The following COL3A1 variants were observed in gnomAD, a reference collection of about 807,000 sequenced individuals.
COL3A1 encodes collagen alpha-1(III) chain.
Under a neutral mutation model 200.9 loss-of-function variants are expected in COL3A1, and 46 were observed. The ratio of observed to expected loss-of-function variants is 0.23; its 90% CI spans 0.18 to 0.29. COL3A1 has a LOEUF of 0.29. COL3A1 is among the 10% of genes least tolerant of loss of function. COL3A1 has a pLI of 1.00. For missense variants in COL3A1, 1,367 were observed against 1,917.6 expected (o/e 0.71, Z 5.36); for synonymous variants, 650 against 628.0 (o/e 1.03, Z -0.52).
At chr2:188,999,629 T>TA (rs760493756) in intron 31 of COL3A1, 52 bp downstream of exon 31, 5 of 1,560,962 alleles carry the variant, frequency 3.2e-6, no homozygotes, top group African/African-American at 1.4e-5. Context: ...TTGTAGGTTT[T>TA]AAAAAAAGCA....
At chr2:188,998,866 A>T (rs183975738) in intron 29 of COL3A1, 148 bp downstream of exon 29, 1 of 796,194 alleles carries the variant, frequency 1.3e-6, no homozygotes, top group East Asian at 2.7e-5. Flanking sequence ...GAAACTCAAG[A>T]CACTTTCAAT....
At chr2:189,011,502 A>G (rs181569395) in intron 50 of COL3A1, 126 bp from the exon 51 acceptor site, 2 of 1,035,950 alleles carry the variant, frequency 1.9e-6, no homozygotes, top group Middle Eastern at 2.7e-4. Context: ...GGTCTCATAT[A>G]CATGAATAAT....
chr2:188,977,803 A>C (rs1687854385), intron 1 of COL3A1, among the ~76,000 whole-genome samples: 1 of 152,144 alleles, frequency 6.6e-6, no homozygotes, highest in South Asian at 2.1e-4. Flanking sequence ...TAGAAAGTAC[A>C]TGAACTAATA....
Position 188,989,363 on chromosome 2 carries a change from A to C in COL3A1, c.637-33A>C, listed in dbSNP as rs780472970. 2.6e-5 allele frequency: 40 copies of C among 1,515,662 alleles called. 3 individuals carry two copies. In the South Asian group the frequency reaches 3.0e-4, roughly 11 times the overall value. The allele number at this position is 1,515,662 out of a possible 1,614,324, so 93.9% of individuals were successfully genotyped here. On this transcript the variant is annotated intron_variant, in intron 7 of 50. Coordinates refer to ENST00000304636, the MANE Select transcript of COL3A1 (RefSeq NM_000090.4). ...AATAAATTGTAACAGAAAAATTTAC[A>C]AATCTATTCATTTTTTATTTCCTTA...
chr2:189,002,456 T>C (rs1222285029), intron 35 of COL3A1, 105 bp downstream of exon 35: 5 of 963,696 alleles, frequency 5.2e-6, no homozygotes, highest in East Asian at 5.0e-5. Flanking sequence ...TCATTTTAGC[T>C]GCTCATTCCC....
At chr2:188,993,807 C>T (rs891654627) in intron 16 of COL3A1, among the ~76,000 whole-genome samples, 2 of 152,106 alleles carry the variant, frequency 1.3e-5, no homozygotes, top group Non-Finnish European at 2.9e-5. Flanking sequence ...AAAATCTCTT[C>T]TATTTATGTA....
At chr2:188,977,899 C>T (rs185122603) in intron 1 of COL3A1, among the ~76,000 whole-genome samples, 27 of 152,002 alleles carry the variant, frequency 1.8e-4, no homozygotes, top group African/African-American at 5.5e-4. Context: ...TTTTTTTAAA[C>T]CCCAGAAGCT....
intron 47 of COL3A1, 106 bp from the exon 48 acceptor site, chr2:189,008,818 C>T: frequency 8.1e-7 from 1 of 1,239,590 alleles, no homozygotes; most frequent in South Asian, 1.2e-5. Context: ...ATTCTGATGA[C>T]ACAATGAATG....
At chr2:188,982,813 T>C (rs1415812134) in intron 1 of COL3A1, among the ~76,000 whole-genome samples, 1 of 151,876 alleles carries the variant, frequency 6.6e-6, no homozygotes, top group Non-Finnish European at 1.5e-5. Context: ...AAGGAACCAA[T>C]GTAATTACAG....
At chr2:188,991,284 T>G (rs867351217) in intron 11 of COL3A1, among the ~76,000 whole-genome samples, 1 of 152,180 alleles carries the variant, frequency 6.6e-6, no homozygotes, top group Non-Finnish European at 1.5e-5. Context: ...GTATAACTTA[T>G]CAATTACTTC....
At chr2:188,998,219 A>G in intron 27 of COL3A1, 47 bp from the exon 28 acceptor site, 1 of 1,539,736 alleles carries the variant, frequency 6.5e-7, no homozygotes, top group Non-Finnish European at 9.0e-7. Flanking sequence ...GCTTTTCTAT[A>G]AGCCATGTTT....
rs1331469991 is a variant in COL3A1 at position 189,005,455 on chromosome 2, G to C, written c.3037G>C (p.Asp1013His). The C allele has an allele frequency of 1.9e-6, 3 of 1,612,634 alleles. No homozygotes were observed. Among genetic ancestry groups the C allele is most frequent in the Non-Finnish European group, 2.5e-6 (3 of 1,178,656 alleles). ...LAGTAGEPGR[D>H]GNPGSDGLPG... ...TGGTACAGCTGGTGAACCTGGAAGAGATGTGAGTAGCAGTTTTTATTCAAC... is the reference window on the plus strand; with the variant it reads ...TGGTACAGCTGGTGAACCTGGAAGACATGTGAGTAGCAGTTTTTATTCAAC... Residue 1013 changes from aspartate to histidine, a missense_variant and splice_region_variant, in exon 41 of 51, where the codon GAT becomes CAT. Physicochemically the swap from Asp to His is moderately conservative, Grantham distance 81. Transcript: ENST00000304636.
Position 188,999,575 on chromosome 2 carries a change from A to G in COL3A1, c.2227A>G (p.Lys743Glu), listed in dbSNP as rs754331056. 1.2e-6 allele frequency: 2 copies of G among 1,612,982 alleles called. No homozygotes were observed. Among genetic ancestry groups the G allele is most frequent in the African/African-American group, 1.3e-5 (1 of 75,030 alleles). The change falls in exon 31 of 51, where the codon AAG becomes GAG. Residue 743 changes from lysine to glutamate, a missense_variant and splice_region_variant. Lys to Glu is a moderately conservative substitution (Grantham distance 56). Around this residue, in one of 5 missense-constraint regions of COL3A1, gnomAD observed 846 missense variants for 1,147.9 expected, o/e 0.74. Coordinates refer to ENST00000304636, the MANE Select transcript of COL3A1 (RefSeq NM_000090.4). ...GLGSPGPKGD[K>E]GEPGGPGADG... The stretch of plus-strand genomic sequence containing the variant: ...TGGAAGTCCTGGTCCAAAGGGTGAC[A>G]AGGTGTTGACTTGTTTTCTCTTAAT...
At chr2:188,980,237 A>C (rs956438180) in intron 1 of COL3A1, among the ~76,000 whole-genome samples, 1 of 151,348 alleles carries the variant, frequency 6.6e-6, no homozygotes, top group Non-Finnish European at 1.5e-5. Context: ...ATTTTATTAT[A>C]TATGCAATTG....
Position 189,010,691 on chromosome 2 carries a change from T to C in COL3A1, c.4055T>C (p.Val1352Ala), listed in dbSNP as rs1688703772. The change falls in exon 50 of 51, where the codon GTG becomes GCG. Residue 1352 changes from valine to alanine, a missense_variant. Val to Ala is a moderately conservative substitution (Grantham distance 64, BLOSUM62 0). Coordinates refer to ENST00000304636, the MANE Select transcript of COL3A1 (RefSeq NM_000090.4). Reference sequence around the variant, plus strand: ...GAACTTCCTGAAGATGTCCTTGATGTGCATCTGGCATTCCTTCGACTTCTC... The same window carrying C: ...GAACTTCCTGAAGATGTCCTTGATGCGCATCTGGCATTCCTTCGACTTCTC... Reference protein sequence around the residue: ...NPELPEDVLDVHLAFLRLLSS... With the variant: ...NPELPEDVLDAHLAFLRLLSS... 6.2e-7 allele frequency: 1 copy of C among 1,614,170 alleles called. No individual in the cohort carries two copies. Among genetic ancestry groups the C allele is most frequent in the African/African-American group, 1.3e-5 (1 of 75,056 alleles).
At chr2:189,007,028 T>C in intron 44 of COL3A1, 38 bp downstream of exon 44, 1 of 1,585,764 alleles carries the variant, frequency 6.3e-7, no homozygotes, top group Non-Finnish European at 8.6e-7. Context: ...TTTGTTTTGT[T>C]CTTTTTTTAA....
At position 188,993,267 on chromosome 2, in the gene COL3A1, T is replaced by C. The variant is rs12693525; in HGVS notation, c.1051-94T>C. The C allele has an allele frequency of 0.3, 325,538 of 1,069,488 alleles. 52,804 individuals carry two copies. The highest frequency in any genetic ancestry group is 0.56 in the African/African-American group (35,392 of 63,634). The allele number at this position is 1,069,488 out of a possible 1,614,324, so 66.2% of individuals were successfully genotyped here. A position where few individuals can be genotyped will look rare whatever the true frequency, so the allele number is the denominator to read the frequency against. On this transcript the variant is annotated intron_variant, in intron 15 of 50. Transcript: ENST00000304636. ...CAGTATAGAGTCCCACTACTCCAAC[T>C]TTTGGGAGATGTGTTTAAACAGGAC...
chr2:189,008,588 C>G, intron 47 of COL3A1: 1 of 428,822 alleles, frequency 2.3e-6, no homozygotes, highest in Non-Finnish European at 4.2e-6. Context: ...ATTATCCCAA[C>G]AAATTACACT....
chr2:188,979,061 G>A (rs909132663), intron 1 of COL3A1, among the ~76,000 whole-genome samples: 2 of 151,940 alleles, frequency 1.3e-5, no homozygotes, highest in Admixed American at 6.6e-5. Flanking sequence ...AAAATGAAAC[G>A]TTGAAAGAGG....
Sources: gnomAD v4.1 joint callset for allele counts (sites outside exome capture counted in the v4.1 genomes callset) on GRCh38, gnomAD v4.1.1 for gene constraint, gnomAD v4.1.1 regional missense constraint, MANE v1.5 for transcripts, NCBI Gene and HGNC (gene_info 2026-07-23, HGNC 2026-07-21) for gene names.